Variants in DMD observed in about 807,000 individuals in gnomAD.
DMD encodes the protein mutant dystrophin.
Under a neutral mutation model 330.1 loss-of-function variants are expected in DMD, and 63 were observed. That is an observed-to-expected ratio of 0.19 (90% CI 0.16 to 0.24). DMD has a LOEUF of 0.24. Among genes scored for constraint, DMD ranks in the 10% least tolerant of loss-of-function variants. DMD has a pLI of 1.00. For missense variants in DMD, 3,344 were observed against 2,684.1 expected, an observed-to-expected ratio of 1.25 and a Z score of -5.43; for synonymous variants, 1,223 against 959.8, an observed-to-expected ratio of 1.27 and a Z score of -5.07.
intron 41 of DMD, among the ~76,000 whole-genome samples, chrX:32,317,684 G>GA (rs996932017): frequency 9.0e-6 from 1 of 110,837 alleles, no homozygotes; most frequent in African/African-American, 3.3e-5. Flanking sequence ...AACTCAAGAA[G>GA]AAAAATGTGC....
chrX:32,906,475 A>G (rs73466805), intron 2 of DMD, among the ~76,000 whole-genome samples: 5,701 of 111,793 alleles, frequency 0.051, 348 homozygotes, highest in African/African-American at 0.18. Context: ...ATGGACTAAT[A>G]CAGAGGGAAC....
At chrX:31,814,818 T>C (rs774972515) in intron 50 of DMD, among the ~76,000 whole-genome samples, 3 of 111,899 alleles carry the variant, frequency 2.7e-5, no homozygotes, top group Admixed American at 1.9e-4. Flanking sequence ...ACCTAAATGA[T>C]TGTGAAAGTC....
intron 43 of DMD, among the ~76,000 whole-genome samples, chrX:32,232,229 G>C (rs909678195): frequency 1.8e-5 from 2 of 111,938 alleles, no homozygotes; most frequent in African/African-American, 6.5e-5. Context: ...ATAAGGCAGA[G>C]GGAACGGGTC....
chrX:31,272,788 T>C (rs1234644227), intron 62 of DMD, among the ~76,000 whole-genome samples: 1 of 108,206 alleles, frequency 9.2e-6, no homozygotes, highest in African/African-American at 3.6e-5. Flanking sequence ...GATTCCTCCT[T>C]CTTGACTCCA....
intron 2 of DMD, among the ~76,000 whole-genome samples, chrX:32,906,567 G>A (rs2086743187): frequency 8.9e-6 from 1 of 111,937 alleles, no homozygotes; most frequent in Admixed American, 9.5e-5. Context: ...GGAGCTACAA[G>A]AGCAAAGCTG....
intron 2 of DMD, among the ~76,000 whole-genome samples, chrX:32,914,379 C>T (rs761779311): frequency 6.2e-5 from 7 of 112,134 alleles, no homozygotes; most frequent in East Asian, 2.8e-4. Context: ...GAGTACTAAG[C>T]GACTCATAGA....
chrX:31,829,409 C>T (rs932753832), intron 49 of DMD, among the ~76,000 whole-genome samples: 8 of 108,505 alleles, frequency 7.4e-5, no homozygotes, highest in Admixed American at 2.0e-4. Flanking sequence ...TAACTTGTAC[C>T]GCACAAATAA....
At chrX:32,179,453 C>A (rs1410941004) in intron 44 of DMD, among the ~76,000 whole-genome samples, 1 of 111,849 alleles carries the variant, frequency 8.9e-6, no homozygotes, top group East Asian at 2.8e-4. Flanking sequence ...TTACTCTAAG[C>A]AAAATTCAGG....
intron 4 of DMD, among the ~76,000 whole-genome samples, chrX:32,828,555 G>A (rs1307527232): frequency 1.9e-5 from 2 of 103,699 alleles, no homozygotes; most frequent in African/African-American, 3.7e-5. Flanking sequence ...AAGTATATGT[G>A]TATCTACACA....
At chrX:32,125,921 T>A (rs1340172728) in intron 44 of DMD, among the ~76,000 whole-genome samples, 4 of 112,127 alleles carry the variant, frequency 3.6e-5, no homozygotes, top group Non-Finnish European at 5.6e-5. Context: ...GCATCACTTA[T>A]ACACTTAAAA....
At chrX:32,451,782 T>C (rs2098331012) in intron 26 of DMD, among the ~76,000 whole-genome samples, 1 of 110,645 alleles carries the variant, frequency 9.0e-6, no homozygotes, top group South Asian at 3.8e-4. Context: ...CTCCAGGTAG[T>C]GAAGTTGCCT....
At chrX:32,777,277 T>TGGGGGGGGGGGGGGGGGTTGG (rs546914107) in intron 7 of DMD, among the ~76,000 whole-genome samples, 1 of 2,113 alleles carries the variant, frequency 4.7e-4, no homozygotes, top group African/African-American at 3.1e-3. Context: ...GGTTTCTGGT[T>TGGGGGGGGGGGGGGGGGTTGG]GGGGGGGGAA....
intron 1 of DMD, among the ~76,000 whole-genome samples, chrX:33,301,522 A>T (rs1202404522): frequency 4.5e-5 from 5 of 111,890 alleles, no homozygotes; most frequent in African/African-American, 1.6e-4. Flanking sequence ...TTGTAAGAAA[A>T]TATTTGTGTC....
At chrX:32,655,738 G>A (rs1004662888) in intron 9 of DMD, among the ~76,000 whole-genome samples, 13 of 111,461 alleles carry the variant, frequency 1.2e-4, no homozygotes, top group Non-Finnish European at 2.3e-4. Context: ...TGTCAGTGGG[G>A]TGTTAAAGTC....
chrX:31,807,759 T>C (rs1416032209), intron 50 of DMD, among the ~76,000 whole-genome samples: 2 of 111,536 alleles, frequency 1.8e-5, no homozygotes, highest in African/African-American at 6.5e-5. Context: ...TTGGAAAATA[T>C]GTACAAAAGC....
intron 7 of DMD, among the ~76,000 whole-genome samples, chrX:32,747,814 C>G (rs972055275): frequency 1.8e-5 from 2 of 110,625 alleles, no homozygotes; most frequent in Non-Finnish European, 3.8e-5. Context: ...CCTGATGACT[C>G]TGATGCAGGC....
intron 44 of DMD, among the ~76,000 whole-genome samples, chrX:32,033,587 AAGACAGACAGAC>A (rs377682883): frequency 0.16 from 11,507 of 71,803 alleles, 1,248 homozygotes; most frequent in African/African-American, 0.34. Flanking sequence ...TTAAAAAAAC[AAGACAGACAGAC>A]AGACAGAAAG....
At chrX:33,208,147 T>G (rs1357156648) in intron 1 of DMD, among the ~76,000 whole-genome samples, 3 of 111,808 alleles carry the variant, frequency 2.7e-5, no homozygotes, top group Non-Finnish European at 5.7e-5. Flanking sequence ...ACCGCCTCCA[T>G]TAACTGAGTT....
At chrX:33,141,250 T>C (rs1241554581) in intron 1 of DMD, among the ~76,000 whole-genome samples, 1 of 111,298 alleles carries the variant, frequency 9.0e-6, no homozygotes, top group Non-Finnish European at 1.9e-5. Flanking sequence ...TCCATTTTCT[T>C]GTTCATCTAT....
Sources: gnomAD v4.1 joint callset for allele counts (sites outside exome capture counted in the v4.1 genomes callset) on GRCh38, gnomAD v4.1.1 for gene constraint, MANE v1.5 for transcripts, NCBI Gene and HGNC (gene_info 2026-07-23, HGNC 2026-07-21) for gene names.